ITPR2: variants seen among roughly 807,000 people sequenced by gnomAD.
ITPR2 encodes inositol 1,4,5-trisphosphate-gated calcium channel ITPR2.
ITPR2 carries 207 observed loss-of-function variants against 317.1 expected under a neutral mutation model. The observed-to-expected ratio is 0.65, with a 90% confidence interval of 0.58 to 0.73. The LOEUF is 0.73. Among genes scored for constraint, ITPR2 ranks in the 30% least tolerant of loss-of-function variants. The pLI, the probability that ITPR2 is intolerant of heterozygous loss-of-function variation, is 0.00. For synonymous variants in ITPR2, 1,156 were observed against 1,149.1 expected (o/e 1.01, Z -0.12); for missense variants, 2,613 against 3,284.0 (o/e 0.80, Z 4.99).
chr12:26,734,274 C>T (rs1200845831), intron 2 of ITPR2, among the ~76,000 whole-genome samples: 1 of 152,162 alleles, frequency 6.6e-6, no homozygotes, highest in Non-Finnish European at 1.5e-5. Flanking sequence ...GCTCTATATT[C>T]ATGAAATTAA....
intron 34 of ITPR2, among the ~76,000 whole-genome samples, chr12:26,569,564 A>AG (rs1945101865): frequency 6.6e-6 from 1 of 150,710 alleles, no homozygotes; most frequent in Non-Finnish European, 1.5e-5. Flanking sequence ...CAAAAAAAAA[A>AG]AAATCAGAAA....
intron 37 of ITPR2, among the ~76,000 whole-genome samples, chr12:26,498,022 C>T (rs923576226): frequency 2.6e-5 from 4 of 152,226 alleles, no homozygotes; most frequent in African/African-American, 7.2e-5. Flanking sequence ...AGGCATGAGC[C>T]ACCGTGCCCG....
intron 32 of ITPR2, among the ~76,000 whole-genome samples, chr12:26,580,505 C>G (rs1945378024): frequency 6.6e-6 from 1 of 152,080 alleles, no homozygotes; most frequent in Non-Finnish European, 1.5e-5. Flanking sequence ...TGTAAGAGAC[C>G]AAAGACGAAA....
intron 1 of ITPR2, among the ~76,000 whole-genome samples, chr12:26,827,407 G>GA (rs1382980727): frequency 6.6e-6 from 1 of 152,044 alleles, no homozygotes; most frequent in African/African-American, 2.4e-5. Context: ...TTGCAACTAG[G>GA]GCATTCAAAT....
At chr12:26,819,694 A>T (rs1182366161) in intron 1 of ITPR2, among the ~76,000 whole-genome samples, 1 of 152,176 alleles carries the variant, frequency 6.6e-6, no homozygotes, top group East Asian at 1.9e-4. Context: ...TCACTCTTTG[A>T]ACACGTAAAA....
intron 45 of ITPR2, among the ~76,000 whole-genome samples, chr12:26,448,636 T>C (rs1011276692): frequency 7.2e-5 from 11 of 152,104 alleles, no homozygotes; most frequent in Non-Finnish European, 1.5e-4. Flanking sequence ...GCATACAGAT[T>C]AGTGAGGAGG....
intron 55 of ITPR2, among the ~76,000 whole-genome samples, chr12:26,373,284 G>C (rs1163471009): frequency 2.6e-5 from 4 of 152,152 alleles, no homozygotes; most frequent in African/African-American, 9.7e-5. Flanking sequence ...AAGTCACTTG[G>C]ATTCTCATTA....
chr12:26,575,790 T>A (rs759018244), intron 34 of ITPR2, among the ~76,000 whole-genome samples: 1 of 152,250 alleles, frequency 6.6e-6, no homozygotes, highest in Non-Finnish European at 1.5e-5. Flanking sequence ...ATTCTATGCA[T>A]GAACTGATTG....
At chr12:26,519,886 A>T (rs1943618797) in intron 37 of ITPR2, among the ~76,000 whole-genome samples, 1 of 152,248 alleles carries the variant, frequency 6.6e-6, no homozygotes, top group South Asian at 2.1e-4. Context: ...AAAGGTGTGA[A>T]ATAGTGGTAT....
chr12:26,414,181 G>A (rs1028970909), intron 51 of ITPR2, among the ~76,000 whole-genome samples: 1 of 151,808 alleles, frequency 6.6e-6, no homozygotes, highest in South Asian at 2.1e-4. Context: ...AATACTCTAT[G>A]TTCCTGTGAA....
chr12:26,478,614 A>G (rs1448231292), intron 43 of ITPR2, among the ~76,000 whole-genome samples: 2 of 152,188 alleles, frequency 1.3e-5, no homozygotes, highest in Non-Finnish European at 2.9e-5. Flanking sequence ...TGTCAGAAGA[A>G]TAGAAATCTT....
chr12:26,530,588 T>C (rs1026907805), intron 37 of ITPR2, among the ~76,000 whole-genome samples: 4 of 152,180 alleles, frequency 2.6e-5, no homozygotes, highest in African/African-American at 7.2e-5. Context: ...ATACATAAGC[T>C]ATCCTGCTTT....
At chr12:26,351,522 C>T (rs1342441082) in intron 55 of ITPR2, among the ~76,000 whole-genome samples, 4 of 152,172 alleles carry the variant, frequency 2.6e-5, no homozygotes, top group African/African-American at 9.7e-5. Context: ...GGAGTGGCAG[C>T]ACACACATGT....
At chr12:26,417,932 G>A (rs1264037163) in intron 50 of ITPR2, among the ~76,000 whole-genome samples, 2 of 152,142 alleles carry the variant, frequency 1.3e-5, no homozygotes, top group Non-Finnish European at 2.9e-5. Context: ...GGTATAATAG[G>A]ACTTTATGTA....
At chr12:26,558,006 T>C (rs974852593) in intron 35 of ITPR2, among the ~76,000 whole-genome samples, 1 of 152,234 alleles carries the variant, frequency 6.6e-6, no homozygotes, top group Non-Finnish European at 1.5e-5. Flanking sequence ...TGATTTCTTA[T>C]AAATTATGTT....
At chr12:26,414,373 A>G (rs1396773548) in intron 51 of ITPR2, among the ~76,000 whole-genome samples, 1 of 152,196 alleles carries the variant, frequency 6.6e-6, no homozygotes, top group African/African-American at 2.4e-5. Context: ...TGTTAAAGGC[A>G]AGACAGAATA....
At chr12:26,654,557 T>C (rs2136899345) in intron 20 of ITPR2, among the ~76,000 whole-genome samples, 1 of 152,196 alleles carries the variant, frequency 6.6e-6, no homozygotes. Context: ...AGTGCGAGAG[T>C]CTACCTCCAA....
At chr12:26,672,295 T>C (rs1947795893) in intron 13 of ITPR2, among the ~76,000 whole-genome samples, 1 of 151,854 alleles carries the variant, frequency 6.6e-6, no homozygotes, top group Non-Finnish European at 1.5e-5. Context: ...ACCACATAGT[T>C]GGAAGTAAAG....
At chr12:26,675,558 A>AG (rs1947888894) in intron 13 of ITPR2, among the ~76,000 whole-genome samples, 2 of 141,136 alleles carry the variant, frequency 1.4e-5, no homozygotes, top group East Asian at 2.4e-4. Flanking sequence ...GGGTGGGGGA[A>AG]GGGGGGAGGG....
Sources: allele counts gnomAD v4.1 joint callset (sites outside exome capture counted in the v4.1 genomes callset), GRCh38; gene constraint gnomAD v4.1.1; transcripts MANE v1.5; gene names NCBI Gene and HGNC (gene_info 2026-07-23, HGNC 2026-07-21).